CLN8: variants seen among roughly 807,000 people sequenced by gnomAD.
CLN8 encodes CLN8 transmembrane ER and ERGIC protein.
Under a neutral mutation model 15.7 loss-of-function variants are expected in CLN8, and 14 were observed. That is an observed-to-expected ratio of 0.89 (90% CI 0.59 to 1.39). CLN8 has a LOEUF of 1.39. Among genes scored for constraint, CLN8 ranks in the 40% most tolerant of loss-of-function variants. The pLI is 0.00. For synonymous variants in CLN8, 188 were observed against 151.0 expected, an observed-to-expected ratio of 1.25 and a Z score of -1.80; for missense variants, 415 against 364.0, an observed-to-expected ratio of 1.14 and a Z score of -1.14.
chr8:1,753,293 G>T (rs1800595163), upstream of CLN8, among the ~76,000 whole-genome samples: 1 of 127,648 alleles, frequency 7.8e-6, no homozygotes, highest in Admixed American at 8.0e-5. Flanking sequence ...ATTCCTGGCT[G>T]GGCGCGGTGG....
At chr8:1,773,096 C>G (rs921599211) in intron 2 of CLN8, 2 of 394,792 alleles carry the variant, frequency 5.1e-6, no homozygotes, top group African/African-American at 4.1e-5. Flanking sequence ...GTGCTGGCAC[C>G]TGGGAACTCA....
At chr8:1,779,623 A>G (rs963950467) in intron 2 of CLN8, among the ~76,000 whole-genome samples, 1 of 152,238 alleles carries the variant, frequency 6.6e-6, no homozygotes, top group Non-Finnish European at 1.5e-5. Flanking sequence ...TAGACTAGGC[A>G]GCTGGAATAG....
At position 1,785,316 on chromosome 8, in the gene CLN8, C is replaced by G. The variant is rs111861349; in HGVS notation, c.*4749C>G. 0.028 allele frequency: 1,962 copies of G among 70,440 alleles called. No individual in the cohort carries two copies. Among genetic ancestry groups the G allele is most frequent in the Middle Eastern group, 0.12 (13 of 110 alleles). The allele number at this position is 70,440 out of a possible 1,614,324, so 4.4% of individuals were successfully genotyped here. ...AGACTACGGTGACACAGGCGGCGTG[C>G]GGTTAGACAGGTACCGGTCAGATTA... On this transcript the variant is annotated 3_prime_UTR_variant, in exon 3 of 3. Transcript: ENST00000331222.
chr8:1,753,396 A>AC (rs1157591839), upstream of CLN8, among the ~76,000 whole-genome samples: 3 of 151,338 alleles, frequency 2.0e-5, no homozygotes, highest in Non-Finnish European at 4.4e-5. Context: ...TACGGTGAAA[A>AC]CCCATCTCTA....
At chr8:1,766,524 G>A (rs1266282783) in intron 1 of CLN8, among the ~76,000 whole-genome samples, 3 of 151,926 alleles carry the variant, frequency 2.0e-5, no homozygotes, top group African/African-American at 7.3e-5. Context: ...CGAGTAGCTG[G>A]GACTACAGGC....
rs140934218 is a variant in CLN8 at position 1,771,407 on chromosome 8, A to C, written c.353A>C (p.Asn118Thr). ...TTATGFFCFE[N>T]VAVHLSNLIF... ...GCAACGGGATTCTTTTGCTTTGAAAATGTTGCAGTCCACCTGTCCAACTTG... is the reference window on the plus strand; with the variant it reads ...GCAACGGGATTCTTTTGCTTTGAAACTGTTGCAGTCCACCTGTCCAACTTG... The change falls in exon 2 of 3, where the codon AAT (asparagine) becomes ACT (threonine). Residue 118 changes from asparagine (N) to threonine (T), a missense_variant. Asn to Thr is a moderately conservative substitution (Grantham distance 65). Coordinates refer to ENST00000331222, the MANE Select transcript of CLN8 (RefSeq NM_018941.4). The C allele has an allele frequency of 1.9e-6, 3 of 1,614,026 alleles. No individual in the cohort carries two copies. In the African/African-American group the frequency reaches 4.0e-5, roughly 22 times the overall value.
intron 1 of CLN8, among the ~76,000 whole-genome samples, chr8:1,757,543 T>A (rs7828950): frequency 1.3e-5 from 2 of 152,100 alleles, no homozygotes; most frequent in African/African-American, 2.4e-5. Context: ...CAGGTTCATG[T>A]AATTCTCCTG....
rs557451458 is a variant in CLN8, at chr8:1,757,613, G to T, written c.-124+1531G>T. 3.0e-4 allele frequency among the ~76,000 whole-genome samples: 46 copies of T among 152,176 alleles called. 2 individuals carry two copies. In the East Asian group the frequency reaches 8.5e-3, roughly 28 times the overall value. ...GTGCCACGACACCCAGCTAATTTTT[G>T]TATTTTTAGTAGAGACAAGGTTTCA... On this transcript the variant is annotated intron_variant, in intron 1 of 1. Transcript: ENST00000524258.
At chr8:1,780,167 G>A in intron 2 of CLN8, 83 bp from the exon 3 acceptor site, 1 of 1,611,244 alleles carries the variant, frequency 6.2e-7, no homozygotes, top group Non-Finnish European at 8.5e-7. Context: ...TGGTAAGTAA[G>A]GTAGCAAATA....
At position 1,777,565 on chromosome 8, in the gene CLN8, A is replaced by G. The variant is rs144769799; in HGVS notation, c.544-2685A>G. On this transcript the variant is annotated intron_variant, in intron 2 of 2. Transcript: ENST00000331222. ...CTTAAAACACAAATACATTGTGTGTATATATATATATTCTTTATACCCTTA... is the reference window on the plus strand; with the variant it reads ...CTTAAAACACAAATACATTGTGTGTGTATATATATATTCTTTATACCCTTA... Among the ~76,000 whole-genome samples the G allele has an allele frequency of 1.4e-3, 210 of 152,068 alleles. 1 individual carries two copies. Among genetic ancestry groups the G allele is most frequent in the East Asian group, 0.011 (57 of 5,192 alleles).
chr8:1,759,623 C>A (rs1459219545), upstream of CLN8: 2 of 152,208 alleles, frequency 1.3e-5, no homozygotes, highest in African/African-American at 4.8e-5. Flanking sequence ...GCTTCGAGGA[C>A]CCTGCCTGGA....
upstream of CLN8, among the ~76,000 whole-genome samples, chr8:1,763,480 CCGCGCCCCGCCCCCCG>C (rs1452554979): frequency 0.17 from 35 of 206 alleles, 8 homozygotes; most frequent in East Asian, 0.8. Flanking sequence ...CCGCCCCCCG[CCGCGCCCCGCCCCCCG>C]CCGCGCCCCG....
At chr8:1,776,362 C>T (rs1801516177) in intron 2 of CLN8, among the ~76,000 whole-genome samples, 1 of 152,034 alleles carries the variant, frequency 6.6e-6, no homozygotes, top group African/African-American at 2.4e-5. Flanking sequence ...TGTGGCCCCG[C>T]TCCTGTACAC....
chr8:1,767,403 C>T (rs981604661), intron 1 of CLN8, among the ~76,000 whole-genome samples: 1 of 152,130 alleles, frequency 6.6e-6, no homozygotes, highest in East Asian at 1.9e-4. Flanking sequence ...TGTCTTTCAC[C>T]TATCTGCCAC....
chr8:1,756,483 C>CA (rs60297248), intron 1 of CLN8, among the ~76,000 whole-genome samples: 99,285 of 143,188 alleles, frequency 0.69, 33,749 homozygotes, highest in South Asian at 0.77. Flanking sequence ...GAATCCATCT[C>CA]AAAAAAAAAA....
intron 1 of CLN8, among the ~76,000 whole-genome samples, chr8:1,766,243 CAA>C (rs1435337251): frequency 6.6e-6 from 1 of 152,270 alleles, no homozygotes; most frequent in East Asian, 1.9e-4. Context: ...TCTGCAGCGT[CAA>C]GAGATGGTGG....
At chr8:1,758,544 C>G (rs1800723352) in intron 1 of CLN8, 1 of 152,212 alleles carries the variant, frequency 6.6e-6, no homozygotes, top group Non-Finnish European at 1.5e-5. Flanking sequence ...CATTTCAGTT[C>G]TCTTCTCCAA....
chr8:1,766,860 A>T (rs1801083455), intron 1 of CLN8, among the ~76,000 whole-genome samples: 1 of 152,168 alleles, frequency 6.6e-6, no homozygotes, highest in African/African-American at 2.4e-5. Flanking sequence ...TGGGTCAAGG[A>T]GCAGAAATAG....
chr8:1,770,253 C>T (rs972621439), intron 1 of CLN8, among the ~76,000 whole-genome samples: 2 of 152,086 alleles, frequency 1.3e-5, no homozygotes, highest in Non-Finnish European at 2.9e-5. Flanking sequence ...AAGACTTTTC[C>T]AGGAGAGGGC....
Sources: gnomAD v4.1 joint callset for allele counts (sites outside exome capture counted in the v4.1 genomes callset) on GRCh38, gnomAD v4.1.1 for gene constraint, MANE v1.5 for transcripts, NCBI Gene and HGNC (gene_info 2026-07-23, HGNC 2026-07-21) for gene names.